SRGAP3: variants seen among roughly 807,000 people sequenced by gnomAD.
SRGAP3 encodes SLIT-ROBO Rho GTPase-activating protein 3.
In SRGAP3, 39 loss-of-function variants were observed where a neutral mutation model predicts 121.1. The observed-to-expected ratio is 0.32, with a 90% CI of 0.25 to 0.42. The LOEUF is 0.42. SRGAP3 is among the 10% of genes least tolerant of loss of function. The probability of loss-of-function intolerance (pLI) is 1.00; values close to 1 mark genes in which losing one functional copy is unlikely to be tolerated. For missense variants in SRGAP3, 1,213 were observed against 1,470.6 expected (o/e 0.82, Z 2.86); for synonymous variants, 601 against 570.0 (o/e 1.05, Z -0.77).
At chr3:9,260,587 C>A (rs1022133872) in intron 3 of SRGAP3, among the ~76,000 whole-genome samples, 5 of 152,248 alleles carry the variant, frequency 3.3e-5, no homozygotes, top group African/African-American at 1.2e-4. Flanking sequence ...TGTAGCCAGA[C>A]TGCCTCTCTA....
At chr3:9,049,412 C>T (rs1047185170) in intron 9 of SRGAP3, 15 of 455,962 alleles carry the variant, frequency 3.3e-5, no homozygotes, top group Admixed American at 9.4e-5. Context: ...CACACACGTA[C>T]GTTTAAGCCT....
In SRGAP3 at chr3:9,064,593, C is replaced by T. The variant is rs1393350847; in HGVS notation, c.487-12G>A. 2 of 1,613,804 alleles carry T rather than the reference C, an allele frequency of 1.2e-6. No homozygotes were observed. The highest frequency in any genetic ancestry group is 1.1e-5 in the South Asian group (1 of 91,074). ...TAGGTTTTCATGACCTGGGGGTGCA[C>T]AAGTAGGGGAAATCAGCAGCCAGCT... is the stretch of plus-strand genomic sequence containing the variant. On this transcript the variant is annotated splice_polypyrimidine_tract_variant and intron_variant, in intron 4 of 21. Transcript: ENST00000383836.
intron 1 of SRGAP3, among the ~76,000 whole-genome samples, chr3:9,343,682 A>T (rs1955832046): frequency 6.6e-6 from 1 of 152,056 alleles, no homozygotes; most frequent in Admixed American, 6.6e-5. Flanking sequence ...CTACTTTTAA[A>T]TTTTTTGAGA....
chr3:9,254,770 C>T (rs1418900253), intron 3 of SRGAP3, among the ~76,000 whole-genome samples: 1 of 149,998 alleles, frequency 6.7e-6, no homozygotes, highest in Non-Finnish European at 1.5e-5. Context: ...CCACTGCACT[C>T]CAGCCTGGGC....
intron 1 of SRGAP3, among the ~76,000 whole-genome samples, chr3:9,190,121 G>A (rs750062711): frequency 2.6e-5 from 4 of 152,150 alleles, no homozygotes; most frequent in Non-Finnish European, 2.9e-5. Flanking sequence ...ATTGACACAC[G>A]GCAAGAATAG....
At chr3:9,170,786 C>T (rs1950950246) in intron 1 of SRGAP3, among the ~76,000 whole-genome samples, 1 of 152,236 alleles carries the variant, frequency 6.6e-6, no homozygotes, top group African/African-American at 2.4e-5. Flanking sequence ...CAGATACCTG[C>T]CCTCAGGCCT....
chr3:9,142,587 C>T (rs1305807136), intron 1 of SRGAP3, among the ~76,000 whole-genome samples: 2 of 152,204 alleles, frequency 1.3e-5, no homozygotes, highest in Admixed American at 1.3e-4. Context: ...TGTTTATTAG[C>T]TTGTCACTTG....
At chr3:9,361,048 G>C (rs1205010830) in intron 1 of SRGAP3, among the ~76,000 whole-genome samples, 2 of 152,082 alleles carry the variant, frequency 1.3e-5, no homozygotes, top group Non-Finnish European at 2.9e-5. Context: ...CTTTTCATGT[G>C]CTTATTGGCC....
At chr3:9,344,363 G>A (rs549851174) in intron 1 of SRGAP3, among the ~76,000 whole-genome samples, 2 of 152,338 alleles carry the variant, frequency 1.3e-5, no homozygotes, top group South Asian at 4.1e-4. Flanking sequence ...GCTGAGGCAG[G>A]AGAATCGCTT....
At chr3:9,017,979 C>A (rs1574916068) in intron 14 of SRGAP3, among the ~76,000 whole-genome samples, 1 of 152,132 alleles carries the variant, frequency 6.6e-6, no homozygotes, top group Non-Finnish European at 1.5e-5. Flanking sequence ...TATGTCTGTA[C>A]CCACTAACCA....
chr3:8,988,120 T>A (rs999652731), intron 21 of SRGAP3, among the ~76,000 whole-genome samples: 2 of 151,516 alleles, frequency 1.3e-5, no homozygotes, highest in South Asian at 4.2e-4. Flanking sequence ...GTCCGAGAGG[T>A]GGCGCTGTGA....
At chr3:9,345,075 A>G (rs1315752162) in intron 1 of SRGAP3, among the ~76,000 whole-genome samples, 1 of 152,108 alleles carries the variant, frequency 6.6e-6, no homozygotes, top group Non-Finnish European at 1.5e-5. Flanking sequence ...TTAAGACTCT[A>G]AACCTGTTGC....
intron 1 of SRGAP3, among the ~76,000 whole-genome samples, chr3:9,134,608 G>A (rs1055655412): frequency 3.0e-4 from 45 of 151,786 alleles, no homozygotes; most frequent in African/African-American, 1.0e-3. Flanking sequence ...GGCTGAAACC[G>A]AGAGTAAAGG....
intron 18 of SRGAP3, among the ~76,000 whole-genome samples, chr3:9,000,940 G>A (rs1942721680): frequency 6.6e-6 from 1 of 152,208 alleles, no homozygotes; most frequent in Non-Finnish European, 1.5e-5. Flanking sequence ...ATCCCACAGA[G>A]CAGTATTTCC....
chr3:9,274,397 C>T (rs1954533217), intron 3 of SRGAP3, among the ~76,000 whole-genome samples: 1 of 152,330 alleles, frequency 6.6e-6, no homozygotes, highest in Non-Finnish European at 1.5e-5. Flanking sequence ...CTTCACCCAT[C>T]ATGGGAGGGG....
rs1254824259 is a variant in SRGAP3, at chr3:8,982,386, T to C, written c.*3133A>G. The stretch of plus-strand genomic sequence containing the variant: ...CCACTTCCCCTTGTACAATTGGTTA[T>C]ATTGAAGACTACTAACTAGGTTACT... On this transcript the variant is annotated 3_prime_UTR_variant, in exon 22 of 22. Transcript: ENST00000383836. The C allele has an allele frequency of 3.1e-5, 7 of 225,220 alleles. No individual in the cohort carries two copies. In the East Asian group the frequency reaches 4.5e-4, roughly 14 times the overall value. 14.0% of individuals were successfully genotyped at this position (225,220 alleles called of 1,614,324 possible). A position where few individuals can be genotyped will look rare whatever the true frequency, so the allele number is the denominator to read the frequency against.
chr3:9,025,939 C>T (rs1243030635), intron 13 of SRGAP3, among the ~76,000 whole-genome samples: 3 of 152,180 alleles, frequency 2.0e-5, no homozygotes, highest in African/African-American at 7.2e-5. Context: ...AAAAGGCAGG[C>T]TTTGGTCAAA....
intron 1 of SRGAP3, among the ~76,000 whole-genome samples, chr3:9,159,839 G>T (rs762923467): frequency 6.6e-6 from 1 of 152,074 alleles, no homozygotes; most frequent in South Asian, 2.1e-4. Context: ...CACCCTGCCC[G>T]TTATTTTTTT....
intron 12 of SRGAP3, 42 bp from the exon 13 acceptor site, chr3:9,027,037 C>T (rs1475158489): frequency 1.9e-6 from 3 of 1,580,876 alleles, no homozygotes; most frequent in Non-Finnish European, 2.6e-6. Context: ...GGCTTGACAA[C>T]CACCACAGGA....
Sources: gnomAD v4.1 joint callset for allele counts (sites outside exome capture counted in the v4.1 genomes callset) on GRCh38, gnomAD v4.1.1 for gene constraint, MANE v1.5 for transcripts, NCBI Gene and HGNC (gene_info 2026-07-23, HGNC 2026-07-21) for gene names.